The following CPNE4 variants were observed in gnomAD, a reference collection of about 807,000 sequenced individuals.
CPNE4 encodes the protein copine 4, also known as copine-4.
CPNE4 carries 25 observed loss-of-function variants against 67.9 expected under a neutral mutation model. That is an observed-to-expected ratio of 0.37 (90% CI 0.27 to 0.51). The LOEUF is 0.51. Among genes scored for constraint, CPNE4 ranks in the 20% least tolerant of loss-of-function variants. The pLI is 0.93. For synonymous variants in CPNE4, 242 were observed against 244.9 expected (o/e 0.99, Z 0.11); for missense variants, 464 against 690.8 (o/e 0.67, Z 3.68).
At chr3:131,890,033 G>A (rs2088044878) in intron 2 of CPNE4, among the ~76,000 whole-genome samples, 1 of 152,066 alleles carries the variant, frequency 6.6e-6, no homozygotes, top group South Asian at 2.1e-4. Context: ...TTTGTGCAAT[G>A]TTTTTTAATA....
At chr3:131,609,942 G>A (rs886286668) in intron 7 of CPNE4, among the ~76,000 whole-genome samples, 1 of 152,088 alleles carries the variant, frequency 6.6e-6, no homozygotes, top group African/African-American at 2.4e-5. Context: ...CTGCATGGAC[G>A]ATATCCAACT....
chr3:131,703,286 G>A (rs976326089), intron 3 of CPNE4, among the ~76,000 whole-genome samples: 1 of 152,202 alleles, frequency 6.6e-6, no homozygotes, highest in Non-Finnish European at 1.5e-5. Context: ...TGACATCAAG[G>A]TTAAAAGGGA....
chr3:132,016,389 A>G (rs747704008), intron 1 of CPNE4, among the ~76,000 whole-genome samples: 1 of 152,184 alleles, frequency 6.6e-6, no homozygotes, highest in Non-Finnish European at 1.5e-5. Flanking sequence ...TTAGCTTTCC[A>G]CTGTCAGCAG....
intron 2 of CPNE4, among the ~76,000 whole-genome samples, chr3:131,889,669 T>C (rs1029492427): frequency 5.3e-5 from 8 of 152,214 alleles, no homozygotes; most frequent in African/African-American, 1.9e-4. Flanking sequence ...TTTTGAGTGG[T>C]ATTTTAGTAT....
At chr3:132,005,831 T>C (rs1310378214) in intron 1 of CPNE4, among the ~76,000 whole-genome samples, 3 of 151,702 alleles carry the variant, frequency 2.0e-5, no homozygotes, top group Non-Finnish European at 4.4e-5. Flanking sequence ...TTCAAACCCA[T>C]ATTGTTCAAG....
chr3:131,881,205 C>T (rs746562095), intron 2 of CPNE4, among the ~76,000 whole-genome samples: 23 of 152,216 alleles, frequency 1.5e-4, no homozygotes, highest in Non-Finnish European at 2.8e-4. Context: ...AACCAAACAT[C>T]TCCCTATCCT....
intron 15 of CPNE4, 24 bp downstream of exon 15, chr3:131,542,533 G>A: frequency 6.6e-7 from 1 of 1,508,778 alleles, no homozygotes; most frequent in Non-Finnish European, 9.2e-7. Flanking sequence ...TCCATGAAAA[G>A]TGCCCCAATG....
intron 2 of CPNE4, among the ~76,000 whole-genome samples, chr3:131,838,109 G>C (rs924209263): frequency 6.6e-6 from 1 of 151,690 alleles, no homozygotes; most frequent in Non-Finnish European, 1.5e-5. Flanking sequence ...CCTAGTCTCT[G>C]TACAATTTTT....
intron 9 of CPNE4, among the ~76,000 whole-genome samples, chr3:131,576,034 A>C (rs1344560963): frequency 6.6e-6 from 1 of 152,176 alleles, no homozygotes; most frequent in Non-Finnish European, 1.5e-5. Flanking sequence ...CTAGGACTAC[A>C]GTGATTAGAA....
In CPNE4 at chr3:132,030,117, C is replaced by T. The variant is rs147444231; in HGVS notation, c.-2+4450G>A. 3.1e-3 allele frequency among the ~76,000 whole-genome samples: 471 copies of T among 152,240 alleles called. 4 individuals carry two copies. The highest frequency in any genetic ancestry group is 0.011 in the African/African-American group (440 of 41,526). ...AACACTCTAATGGAGGTGGGAGACA[C>T]CCCCGCAATCATCCCTAACTCATAC... On this transcript the variant is annotated intron_variant, in intron 1 of 15. Transcript: ENST00000429747.
intron 2 of CPNE4, 120 bp downstream of exon 2, chr3:131,905,144 A>T: frequency 1.2e-6 from 1 of 865,016 alleles, no homozygotes; most frequent in Non-Finnish European, 1.8e-6. Context: ...AAATGTGATC[A>T]TATTCACTTC....
At position 131,959,001 on chromosome 3, in the gene CPNE4, T is replaced by C. The variant is rs2072079752; in HGVS notation, c.-1-53557A>G. 3.5e-4 allele frequency among the ~76,000 whole-genome samples: 2 copies of C among 5,646 alleles called. 1 individual carries two copies. Among genetic ancestry groups the C allele is most frequent in the Non-Finnish European group, 5.8e-4 (2 of 3,426 alleles). 3.7% of individuals were successfully genotyped at this position (5,646 alleles called of 152,430 possible). On this transcript the variant is annotated intron_variant, in intron 1 of 15. Coordinates refer to ENST00000429747, the MANE Select transcript of CPNE4 (RefSeq NM_130808.3). ...TTTTTTTTTTTTTTTTTTTTTTTTT[T>C]TTTTTTTTTTTTTTTTTGAGACGGA...
At chr3:131,986,833 AAAAAAAAAAC>A (rs1361973864) in intron 1 of CPNE4, among the ~76,000 whole-genome samples, 26 of 139,622 alleles carry the variant, frequency 1.9e-4, no homozygotes, top group Admixed American at 3.6e-4. Context: ...TCGGTCTCAA[AAAAAAAAAAC>A]AAAAAAAAAC....
chr3:131,595,517 T>C (rs999614712), intron 7 of CPNE4, among the ~76,000 whole-genome samples: 6 of 152,168 alleles, frequency 3.9e-5, no homozygotes, highest in Non-Finnish European at 7.4e-5. Context: ...CTGCAAGCTA[T>C]ACAGAAAGCA....
intron 1 of CPNE4, among the ~76,000 whole-genome samples, chr3:131,952,725 C>T (rs1221736142): frequency 3.3e-5 from 5 of 152,134 alleles, no homozygotes; most frequent in South Asian, 4.2e-4. Flanking sequence ...CCGGCCACCA[C>T]CCCGTCTGGG....
intron 7 of CPNE4, among the ~76,000 whole-genome samples, chr3:131,661,912 A>G (rs1256835695): frequency 6.6e-6 from 1 of 152,138 alleles, no homozygotes; most frequent in African/African-American, 2.4e-5. Context: ...TTTTGCACCA[A>G]TAATCGTGAA....
At chr3:131,938,257 T>C (rs1207603292) in intron 1 of CPNE4, among the ~76,000 whole-genome samples, 1 of 151,880 alleles carries the variant, frequency 6.6e-6, no homozygotes, top group Non-Finnish European at 1.5e-5. Context: ...CTCCGGAGGC[T>C]GAGATCGGAG....
intron 1 of CPNE4, among the ~76,000 whole-genome samples, chr3:131,980,608 A>T (rs2072880713): frequency 6.6e-6 from 1 of 151,676 alleles, no homozygotes; most frequent in Non-Finnish European, 1.5e-5. Flanking sequence ...TTCTTGTATC[A>T]TTTTTTGGAT....
chr3:131,735,285 C>T (rs1402673453), intron 2 of CPNE4, among the ~76,000 whole-genome samples: 2 of 152,218 alleles, frequency 1.3e-5, no homozygotes, highest in African/African-American at 4.8e-5. Context: ...CCTCTCCAGA[C>T]TGAGATGGTG....
Sources: allele counts gnomAD v4.1 joint callset (sites outside exome capture counted in the v4.1 genomes callset), GRCh38; gene constraint gnomAD v4.1.1; transcripts MANE v1.5; gene names NCBI Gene and HGNC (gene_info 2026-07-23, HGNC 2026-07-21).